Variants in LPCAT4 observed in about 807,000 individuals in gnomAD.
LPCAT4 encodes the protein lysophospholipid acyltransferase LPCAT4.
Under a neutral mutation model 66.5 loss-of-function variants are expected in LPCAT4, and 30 were observed. The ratio of observed to expected loss-of-function variants is 0.45; its 90% CI spans 0.34 to 0.61. The LOEUF is 0.61. LPCAT4 is among the 20% of genes least tolerant of loss of function. The probability of loss-of-function intolerance (pLI) is 0.01; values close to 1 mark genes in which losing one functional copy is unlikely to be tolerated. For synonymous variants in LPCAT4, 253 were observed against 262.1 expected (o/e 0.97, Z 0.34); for missense variants, 557 against 656.7 (o/e 0.85, Z 1.66).
At position 34,364,000 on chromosome 15, in the gene LPCAT4, T is replaced by C. The variant is rs775472121; in HGVS notation, c.652+13A>G. The C allele has an allele frequency of 3.7e-6, 6 of 1,609,324 alleles. No homozygotes were observed. Among genetic ancestry groups the C allele is most frequent in the Non-Finnish European group, 8.5e-7 (1 of 1,176,020 alleles). On this transcript the variant is annotated intron_variant, in intron 5 of 13. Coordinates refer to ENST00000314891, the MANE Select transcript of LPCAT4 (RefSeq NM_153613.3). This position sits in a 1 kb window ranked among gnomAD's most constrained non-coding sequence, Gnocchi z 4.3. ...TTTTCCTACAGCCCACCACCCACTA[T>C]CATTTTATTCACCTGGTTTGAACTT...
intron 1 of LPCAT4, chr15:34,365,931 T>C: frequency 1.9e-6 from 1 of 529,724 alleles, no homozygotes; most frequent in South Asian, 2.5e-5. Flanking sequence ...TGTCTTTCAG[T>C]TGGTCCCTAC....
chr15:34,360,012 G>GT (rs1890904477), intron 12 of LPCAT4, 99 bp downstream of exon 12: 1 of 1,025,942 alleles, frequency 9.7e-7, no homozygotes, highest in Non-Finnish European at 1.5e-6. Context: ...CAAATGCCTA[G>GT]TATCTAGAAG....
At position 34,361,379 on chromosome 15, in the gene LPCAT4, T is replaced by G. The variant is rs750437747; in HGVS notation, c.1143+21A>C. ...GAGGGAAGCCTGGGTTCTGCTCTGC[T>G]CTTTGTTCCAGCTCCTTTACCTGCT... On this transcript the variant is annotated intron_variant, in intron 11 of 13. Coordinates refer to ENST00000314891, the MANE Select transcript of LPCAT4 (RefSeq NM_153613.3). 2.5e-6 allele frequency: 4 copies of G among 1,613,986 alleles called. No individual in the cohort carries two copies. In the South Asian group the frequency reaches 4.4e-5, roughly 18 times the overall value.
chr15:34,359,557 GC>G, intron 13 of LPCAT4, 31 bp downstream of exon 13: 1 of 1,601,996 alleles, frequency 6.2e-7, no homozygotes, highest in Non-Finnish European at 8.5e-7. Flanking sequence ...TGCCCCAAGT[GC>G]CCGTGTGGGG....
In LPCAT4 at chr15:34,367,177, AGCG is replaced by A; in HGVS notation, c.-80_-78del. On this transcript the variant is annotated 5_prime_UTR_variant, in exon 1 of 14. Coordinates refer to ENST00000314891, the MANE Select transcript of LPCAT4 (RefSeq NM_153613.3). ...TCTGCAGAGCAGCTGCTGCTGCAGC[AGCG>A]GCGGCGGCGGCGCTCTGGCCCGGGC... 21 of 1,267,214 alleles carry A rather than the reference AGCG, an allele frequency of 1.7e-5. No homozygotes were observed. Among genetic ancestry groups the A allele is most frequent in the East Asian group, 3.5e-5 (1 of 28,416 alleles). The allele number at this position is 1,267,214 out of a possible 1,614,324, so 78.5% of individuals were successfully genotyped here.
intron 8 of LPCAT4, 32 bp downstream of exon 8, chr15:34,362,750 T>C (rs758616218): frequency 6.2e-7 from 1 of 1,613,604 alleles, no homozygotes; most frequent in Non-Finnish European, 8.5e-7. Flanking sequence ...GTCTGAGATG[T>C]ACTTCTCCCA....
In LPCAT4 at chr15:34,362,558, T is replaced by C; in HGVS notation, c.884+15A>G. ...CTGTGCAACTGCTCCAGGAAATAGT[T>C]TGTGGGGCACTCACTGTGCCATGAC... On this transcript the variant is annotated intron_variant, in intron 9 of 13. Transcript: ENST00000314891. 6.5e-7 allele frequency: 1 copy of C among 1,536,456 alleles called. No homozygotes were observed. Among genetic ancestry groups the C allele is most frequent in the East Asian group, 2.3e-5 (1 of 44,248 alleles).
At chr15:34,365,811 T>A (rs925082154) in intron 1 of LPCAT4, 110 bp from the exon 2 acceptor site, 9 of 1,314,706 alleles carry the variant, frequency 6.8e-6, no homozygotes, top group South Asian at 4.2e-5. Context: ...ATCCCTTGCA[T>A]GTGACAGGTG....
At chr15:34,361,553 G>T (rs767917039) in intron 10 of LPCAT4, 21 bp from the exon 11 acceptor site, 16 of 1,611,598 alleles carry the variant, frequency 9.9e-6, no homozygotes. Context: ...ATTGTTGAAG[G>T]CAGAGAGCTG....
Position 34,363,726 on chromosome 15 carries a change from C to T in LPCAT4, c.653-7G>A. The T allele has an allele frequency of 1.2e-6, 2 of 1,614,146 alleles. No individual in the cohort carries two copies. Among genetic ancestry groups the T allele is most frequent in the Non-Finnish European group, 1.7e-6 (2 of 1,180,028 alleles). Reference sequence around the variant, plus strand: ...ACCCCTGCGATGAAGGCTCCTAAATCCCATTTCCACCCCCACCCCCACAAG... The same window carrying T: ...ACCCCTGCGATGAAGGCTCCTAAATTCCATTTCCACCCCCACCCCCACAAG... On this transcript the variant is annotated splice_region_variant and splice_polypyrimidine_tract_variant and intron_variant, in intron 5 of 13. Transcript: ENST00000314891. The surrounding 1 kb of genome is among the most constrained non-coding windows in gnomAD (Gnocchi z 4.3).
At chr15:34,362,461 C>A (rs1890969656) in intron 9 of LPCAT4, 112 bp downstream of exon 9, 1 of 1,398,160 alleles carries the variant, frequency 7.2e-7, no homozygotes, top group Non-Finnish European at 9.8e-7. Flanking sequence ...GTTCAAGAGC[C>A]CTTCCCACTG....
intron 10 of LPCAT4, 76 bp downstream of exon 10, chr15:34,362,116 CTTCT>C: frequency 6.7e-7 from 1 of 1,500,412 alleles, no homozygotes; most frequent in Non-Finnish European, 9.0e-7. Context: ...TTCCTTCTTC[CTTCT>C]CATTTCTCCC....
intron 4 of LPCAT4, 45 bp from the exon 5 acceptor site, chr15:34,364,118 G>A: frequency 6.2e-7 from 1 of 1,600,104 alleles, no homozygotes; most frequent in East Asian, 2.2e-5. Flanking sequence ...ACTGAAGAAG[G>A]CTGTGGAGAG....
chr15:34,364,409 CT>C, intron 3 of LPCAT4, 103 bp from the exon 4 acceptor site: 3 of 600,666 alleles, frequency 5.0e-6, no homozygotes. Context: ...TTTCTGTTAT[CT>C]CTTTTTTTTT....
rs200522453 is a variant in LPCAT4, at chr15:34,362,730, G to A, written c.801+52C>T. ...GACCACTCCCACCCTCTTTTCCCAAGGTTTCAGGAGTCTGAGATGTACTTC... is the reference window on the plus strand; with the variant it reads ...GACCACTCCCACCCTCTTTTCCCAAAGTTTCAGGAGTCTGAGATGTACTTC... On this transcript the variant is annotated intron_variant, in intron 8 of 13. Coordinates refer to ENST00000314891, the MANE Select transcript of LPCAT4 (RefSeq NM_153613.3). 3.1e-6 allele frequency: 5 copies of A among 1,612,184 alleles called. No individual in the cohort carries two copies. The Admixed American group carries it at 8.3e-5, about 27-fold the overall frequency.
In LPCAT4 at chr15:34,359,592, G is replaced by A; in HGVS notation, c.1396C>T (p.Leu466Phe). The A allele has an allele frequency of 1.2e-6, 2 of 1,611,898 alleles. No homozygotes were observed. The highest frequency in any genetic ancestry group is 1.1e-5 in the South Asian group (1 of 90,876). Residue 466 changes from leucine (L) to phenylalanine (F), a missense_variant, in exon 13 of 14, where the codon CTC becomes TTC. Leu to Phe is a conservative substitution (Grantham distance 22, BLOSUM62 0). This residue lies in a region of LPCAT4 where 392 missense variants were observed against 473.9 expected (regional missense o/e 0.83). Transcript: ENST00000314891. ...GGCTGAGAAGGCAGTGACTCACAGAGGGAGAGGCCTTGGCTGGATCCTGCC... is the reference window on the plus strand; with the variant it reads ...GGCTGAGAAGGCAGTGACTCACAGAAGGAGAGGCCTTGGCTGGATCCTGCC... Reference protein sequence around the residue: ...CQAGSSQGLSLCQFQNFSLHD... With the variant: ...CQAGSSQGLSFCQFQNFSLHD...
At chr15:34,366,462 C>G (rs1191757809) in intron 1 of LPCAT4, among the ~76,000 whole-genome samples, 1 of 152,162 alleles carries the variant, frequency 6.6e-6, no homozygotes, top group African/African-American at 2.4e-5. Flanking sequence ...CCCTCTCAGC[C>G]TCCCTGCCCC....
intron 1 of LPCAT4, 151 bp from the exon 2 acceptor site, chr15:34,365,852 A>C: frequency 1.2e-6 from 1 of 853,674 alleles, no homozygotes; most frequent in Non-Finnish European, 1.8e-6. Context: ...ACTGGGACCC[A>C]AGGTGGGATG....
intron 12 of LPCAT4, 108 bp from the exon 13 acceptor site, chr15:34,359,853 A>C: frequency 4.2e-6 from 5 of 1,197,186 alleles, no homozygotes; most frequent in Non-Finnish European, 5.8e-6. Flanking sequence ...GGTGGTGCAC[A>C]AGCCTTCCCT....
Sources: allele counts gnomAD v4.1 joint callset (sites outside exome capture counted in the v4.1 genomes callset), GRCh38; gene constraint gnomAD v4.1.1; regional missense constraint gnomAD v4.1.1; non-coding constraint Gnocchi (gnomAD v3.1); transcripts MANE v1.5; gene names NCBI Gene and HGNC (gene_info 2026-07-23, HGNC 2026-07-21).